Variants in ATAD2B observed in about 807,000 individuals in gnomAD.
ATAD2B encodes the protein ATPase family AAA domain containing 2B.
ATAD2B carries 40 observed loss-of-function variants against 167.6 expected under a neutral mutation model. The observed-to-expected ratio is 0.24, with a 90% confidence interval of 0.19 to 0.31. ATAD2B has a LOEUF of 0.31. ATAD2B is among the 10% of genes least tolerant of loss of function. ATAD2B has a pLI of 1.00. For missense variants in ATAD2B, 1,242 were observed against 1,757.2 expected, an observed-to-expected ratio of 0.71 and a Z score of 5.24; for synonymous variants, 579 against 596.5, an observed-to-expected ratio of 0.97 and a Z score of 0.43.
At chr2:23,825,121 T>A (rs1688051430) in intron 15 of ATAD2B, among the ~76,000 whole-genome samples, 1 of 148,798 alleles carries the variant, frequency 6.7e-6, no homozygotes, top group East Asian at 2.0e-4. Context: ...TTTTTTTTTT[T>A]TTTTTTTTTG....
intron 6 of ATAD2B, 85 bp from the exon 7 acceptor site, chr2:23,880,840 C>CT: frequency 1.3e-6 from 1 of 778,884 alleles, no homozygotes; most frequent in Non-Finnish European, 2.1e-6. Context: ...AATATTTACA[C>CT]TTTATCCATT....
At chr2:23,692,972 C>G in the ATAD2B span, among the ~76,000 whole-genome samples, 2 of 152,166 alleles carry the variant, frequency 1.3e-5, no homozygotes, top group Non-Finnish European at 2.9e-5. Flanking sequence ...CCAGCCCAGG[C>G]CCAGGCTCTG....
chr2:23,724,625 A>G, the ATAD2B span, among the ~76,000 whole-genome samples: 1 of 152,204 alleles, frequency 6.6e-6, no homozygotes, highest in Non-Finnish European at 1.5e-5. Flanking sequence ...AACTTGGTAG[A>G]ATATATTAAC....
intron 1 of ATAD2B, among the ~76,000 whole-genome samples, chr2:23,911,510 G>A (rs1011473097): frequency 1.3e-5 from 2 of 151,412 alleles, no homozygotes; most frequent in African/African-American, 2.4e-5. Flanking sequence ...AGCCTTGATC[G>A]TGCCTCTTCA....
rs570988316 is a variant in ATAD2B, at chr2:23,882,534, C to T, written c.785-1779G>A. ...AAAAAAAAAAAAAAAAAAGGCCAGG[C>T]GCAGTGGCTCATGCCTATAATCCCA... On this transcript the variant is annotated intron_variant, in intron 6 of 27. Transcript: ENST00000238789. Among the ~76,000 whole-genome samples, 279 of 147,372 alleles carry T rather than the reference C, an allele frequency of 1.9e-3. 1 individual carries two copies. The highest frequency in any genetic ancestry group is 6.5e-3 in the African/African-American group (259 of 39,838).
rs1411807828 is a variant in ATAD2B at position 23,833,874 on chromosome 2, A to T, written c.1728+45T>A. 1.4e-6 allele frequency: 2 copies of T among 1,438,294 alleles called. 1 individual carries two copies. Among genetic ancestry groups the T allele is most frequent in the Middle Eastern group, 3.6e-4 (2 of 5,508 alleles). The allele number at this position is 1,438,294 out of a possible 1,614,324, so 89.1% of individuals were successfully genotyped here. ...ACCCTCAGAACATATGCCTTATAGT[A>T]GAATTACATATAAATGTTAACATAT... is the stretch of plus-strand genomic sequence containing the variant. On this transcript the variant is annotated intron_variant, in intron 14 of 27. Transcript: ENST00000238789.
chr2:23,752,462 T>A (rs1352777247), intron 27 of ATAD2B, among the ~76,000 whole-genome samples: 6 of 149,830 alleles, frequency 4.0e-5, no homozygotes, highest in Non-Finnish European at 8.9e-5. Flanking sequence ...ATAAAATACA[T>A]AAATATAAGT....
chr2:23,864,780 C>A, intron 11 of ATAD2B, 29 bp downstream of exon 11: 4 of 1,081,664 alleles, frequency 3.7e-6, no homozygotes, highest in South Asian at 1.6e-5. Context: ...ACAGTAATAA[C>A]AATAATAAAC....
intron 13 of ATAD2B, among the ~76,000 whole-genome samples, chr2:23,835,172 G>C (rs530691699): frequency 4.9e-4 from 75 of 152,106 alleles, no homozygotes; most frequent in Non-Finnish European, 9.6e-4. Context: ...AAACGTAAGA[G>C]TTGCCAAATG....
chr2:23,691,069 T>G, the ATAD2B span: 4 of 154,002 alleles, frequency 2.6e-5, no homozygotes, highest in African/African-American at 9.6e-5. Flanking sequence ...TCCGTCTATC[T>G]CGTCTTGTCC....
chr2:23,703,772 G>A, the ATAD2B span: 5 of 1,537,326 alleles, frequency 3.3e-6, no homozygotes, highest in East Asian at 2.4e-5. Flanking sequence ...CATCCTGGGC[G>A]GGGCTTATGC....
intron 25 of ATAD2B, among the ~76,000 whole-genome samples, chr2:23,757,186 C>T (rs1412934715): frequency 1.3e-5 from 2 of 152,148 alleles, no homozygotes; most frequent in Non-Finnish European, 2.9e-5. Flanking sequence ...TAAAGCAATG[C>T]ACTCGAAACG....
chr2:23,769,058 T>C (rs768703752), intron 22 of ATAD2B, among the ~76,000 whole-genome samples: 1 of 152,190 alleles, frequency 6.6e-6, no homozygotes, highest in Non-Finnish European at 1.5e-5. Flanking sequence ...AAATGATAGG[T>C]ACGGTTCTTC....
At chr2:23,917,627 C>G (rs1703234123) in intron 1 of ATAD2B, among the ~76,000 whole-genome samples, 1 of 151,560 alleles carries the variant, frequency 6.6e-6, no homozygotes, top group African/African-American at 2.4e-5. Flanking sequence ...CCAAAGCCAA[C>G]TTAAAAATAC....
chr2:23,759,908 G>A (rs1215501710), intron 24 of ATAD2B, among the ~76,000 whole-genome samples: 3 of 152,176 alleles, frequency 2.0e-5, no homozygotes, highest in East Asian at 3.8e-4. Context: ...GCAAGTTAGC[G>A]CTATTAGGCT....
chr2:23,744,282 ATTT>A (rs142964412), downstream of ATAD2B, among the ~76,000 whole-genome samples: 2 of 144,976 alleles, frequency 1.4e-5, no homozygotes, highest in Non-Finnish European at 3.0e-5. Flanking sequence ...TCCTGGGAGA[ATTT>A]TTTTTTTTTT....
intron 1 of ATAD2B, among the ~76,000 whole-genome samples, chr2:23,897,870 G>A (rs1258651437): frequency 6.6e-6 from 1 of 152,200 alleles, no homozygotes; most frequent in Non-Finnish European, 1.5e-5. Context: ...GGCACTACGT[G>A]TGCTCACTGT....
intron 8 of ATAD2B, among the ~76,000 whole-genome samples, chr2:23,873,407 G>T (rs189165127): frequency 6.6e-6 from 1 of 152,224 alleles, no homozygotes; most frequent in East Asian, 1.9e-4. Flanking sequence ...GGACCCTTGC[G>T]AATACCAAAA....
chr2:23,693,548 C>T, the ATAD2B span: 4 of 1,538,148 alleles, frequency 2.6e-6, no homozygotes, highest in East Asian at 9.9e-5. Flanking sequence ...GCCCTGTCCC[C>T]CGCCCCTTCT....
Sources: gnomAD v4.1 joint callset for allele counts (sites outside exome capture counted in the v4.1 genomes callset) on GRCh38, gnomAD v4.1.1 for gene constraint, MANE v1.5 for transcripts, NCBI Gene and HGNC (gene_info 2026-07-23, HGNC 2026-07-21) for gene names.